PAGE2: variants seen among roughly 807,000 people sequenced by gnomAD.
PAGE2 encodes PAGE family member 2, also known as P antigen family member 2.
A neutral mutation model predicts 7.5 loss-of-function variants in PAGE2; 6 were observed. The observed-to-expected ratio is 0.80, with a 90% CI of 0.44 to 1.57. The LOEUF is 1.57. PAGE2 is among the 40% of genes most tolerant of loss of function. PAGE2 has a pLI of 0.01. For synonymous variants in PAGE2, 22 were observed against 25.4 expected (o/e 0.87, Z 0.41); for missense variants, 72 against 76.4 (o/e 0.94, Z 0.21).
intron 2 of PAGE2, among the ~76,000 whole-genome samples, 166 bp downstream of exon 2, chrX:55,090,270 G>A (rs1298667915): frequency 9.1e-6 from 1 of 110,134 alleles, no homozygotes; most frequent in Non-Finnish European, 1.9e-5. Context: ...GGTGTTACCT[G>A]TATGGATATG....
chrX:55,091,314 A>G lies in PAGE2; in HGVS notation c.194-18A>G. On this transcript the variant is annotated intron_variant, in intron 3 of 4. Transcript: ENST00000374968. ...TCATGTTTTAATTTGTAAATTGATG[A>G]CCTTTTTATCTTTTAAGGGCCTGAC... 2 of 1,205,852 alleles carry G rather than the reference A, an allele frequency of 1.7e-6. No individual in the cohort carries two copies. Among genetic ancestry groups the G allele is most frequent in the South Asian group, 1.8e-5 (1 of 56,044 alleles).
rs1301048427 is a variant in PAGE2 at position 55,091,865 on chromosome X, T to G, written c.319+408T>G. Among the ~76,000 whole-genome samples, 5 of 57,364 alleles carry G rather than the reference T, an allele frequency of 8.7e-5. 1 individual carries two copies. Among genetic ancestry groups the G allele is most frequent in the Non-Finnish European group, 1.4e-4 (4 of 28,247 alleles). 49.8% of individuals were successfully genotyped at this position (57,364 alleles called of 115,157 possible). ...TTTTACAATGTGTATATATATATAT[T>G]TAAAACGTCATGTTTTACATGATAA... On this transcript the variant is annotated intron_variant, in intron 4 of 4. Transcript: ENST00000374968.
chrX:55,090,351 T>TATCC (rs1449249542), intron 2 of PAGE2, 151 bp from the exon 3 acceptor site: 104 of 572,277 alleles, frequency 1.8e-4, no homozygotes, highest in Non-Finnish European at 2.6e-4. Context: ...TCTATCTATC[T>TATCC]ATCTATCTAT....
At chrX:55,089,577 C>T (rs181263834) in intron 1 of PAGE2, among the ~76,000 whole-genome samples, 1 of 109,861 alleles carries the variant, frequency 9.1e-6, no homozygotes, top group East Asian at 2.8e-4. Context: ...TTTCTCACCT[C>T]CGCCATGGAC....
In PAGE2 at chrX:55,090,175, A is replaced by G. The variant is rs1159357367; in HGVS notation, c.84+71A>G. 9.2e-6 allele frequency: 9 copies of G among 979,839 alleles called. No homozygotes were observed. In the South Asian group the frequency reaches 1.4e-4, roughly 15 times the overall value. 80.7% of individuals were successfully genotyped at this position (979,839 alleles called of 1,213,427 possible). ...TAAAAATATTTTTGAGCTAGTATACATACACTGATACAGGTGTTCCATGCT... is the reference window on the plus strand; with the variant it reads ...TAAAAATATTTTTGAGCTAGTATACGTACACTGATACAGGTGTTCCATGCT... On this transcript the variant is annotated intron_variant, in intron 2 of 4. Coordinates refer to ENST00000374968, the MANE Select transcript of PAGE2 (RefSeq NM_207339.4).
In PAGE2 at chrX:55,090,119, A is replaced by T. The variant is rs779706075; in HGVS notation, c.84+15A>T. On this transcript the variant is annotated intron_variant, in intron 2 of 4. Coordinates refer to ENST00000374968, the MANE Select transcript of PAGE2 (RefSeq NM_207339.4). ...GATCTGTGATTGTGAGTCTTTTAAC[A>T]TTTGATGTTTTCTATTAACACAATT... 8.5e-7 allele frequency: 1 copy of T among 1,178,284 alleles called. No individual in the cohort carries two copies. Among genetic ancestry groups the T allele is most frequent in the Non-Finnish European group, 1.2e-6 (1 of 868,757 alleles).
chrX:55,091,454 G>A lies in PAGE2; in HGVS notation c.316G>A (p.Ala106Thr). 5 of 1,204,639 alleles carry A rather than the reference G, an allele frequency of 4.2e-6. No homozygotes were observed. The highest frequency in any genetic ancestry group is 5.6e-6 in the Non-Finnish European group (5 of 893,644). Reference protein sequence around the residue: ...PTFDLTKVLEAGDAQP With the variant: ...PTFDLTKVLETGDAQP ...TTTTGATCTCACTAAAGTGCTGGAA[G>A]CAGGTTTGTTATTCATTTAAGATGC... The change falls in exon 4 of 5, where the codon GCA becomes ACA. Residue 106 changes from alanine (A) to threonine (T), a missense_variant. Coordinates refer to ENST00000374968, the MANE Select transcript of PAGE2 (RefSeq NM_207339.4).
In PAGE2 at chrX:55,089,036, G is replaced by T. The variant is rs1317407320; in HGVS notation, c.-76G>T. On this transcript the variant is annotated 5_prime_UTR_variant, in exon 1 of 5. Coordinates refer to ENST00000374968, the MANE Select transcript of PAGE2 (RefSeq NM_207339.4). ...CCGTCTTGTGTCCGCACAGAGGTCT[G>T]CAAGGAGAGAGAGTGTCTTCATTCT... is the stretch of plus-strand genomic sequence containing the variant. 1 of 111,754 alleles carries T rather than the reference G, an allele frequency of 8.9e-6. No individual in the cohort carries two copies. Among genetic ancestry groups the T allele is most frequent in the Non-Finnish European group, 1.9e-5 (1 of 53,320 alleles). 9.2% of individuals were successfully genotyped at this position (111,754 alleles called of 1,213,427 possible). A position where few individuals can be genotyped will look rare whatever the true frequency, so the allele number is the denominator to read the frequency against.
chrX:55,091,103 A>G (rs1321550035), intron 3 of PAGE2, among the ~76,000 whole-genome samples: 2 of 111,494 alleles, frequency 1.8e-5, no homozygotes, highest in Non-Finnish European at 3.8e-5. Context: ...TGTGATAAGA[A>G]TAAGAACAAA....
intron 2 of PAGE2, 46 bp downstream of exon 2, chrX:55,090,150 T>A (rs1439860018): frequency 8.9e-7 from 1 of 1,122,843 alleles, no homozygotes; most frequent in Non-Finnish European, 1.2e-6. Context: ...CAATTTATTT[T>A]AAAAATATTT....
At chrX:55,091,266 A>C (rs1936653222) in intron 3 of PAGE2, 66 bp from the exon 4 acceptor site, 3 of 1,192,513 alleles carry the variant, frequency 2.5e-6, no homozygotes, top group Non-Finnish European at 2.3e-6. Context: ...GGGAATAAAT[A>C]CTATCATTTC....
Position 55,090,053 on chromosome X carries a change from C to A in PAGE2, c.33C>A (p.Ser11=). ...AGCTTCTAAGAGCAAGATCCCAATC[C>A]TCAGAAAGAGGAAATGACCAAGAGT... MSELLRARSQ[S]SERGNDQESS... The change falls in exon 2 of 5, where the codon TCC becomes TCA. Residue 11 remains serine (S), a synonymous_variant. Coordinates refer to ENST00000374968, the MANE Select transcript of PAGE2 (RefSeq NM_207339.4). The A allele has an allele frequency of 8.3e-7, 1 of 1,204,061 alleles. No homozygotes were observed. The highest frequency in any genetic ancestry group is 1.1e-6 in the Non-Finnish European group (1 of 890,441).
chrX:55,090,762 T>C (rs3002386), intron 3 of PAGE2, 152 bp downstream of exon 3: 8,996 of 538,964 alleles, frequency 0.017, 609 homozygotes, highest in African/African-American at 0.16. Flanking sequence ...GGGACAAGGA[T>C]GCATAAAAAG....
Position 55,091,356 on chromosome X carries a change from A to T in PAGE2, c.218A>T (p.Gln73Leu), listed in dbSNP as rs769601050. The T allele has an allele frequency of 6.6e-6, 8 of 1,207,404 alleles. No homozygotes were observed. The East Asian group carries it at 2.4e-4, about 36-fold the overall frequency. The stretch of plus-strand genomic sequence containing the variant: ...GGGCCTGACATGGAAGCTTTTCAAC[A>T]GGAACTGGCTCTGCTTAAGATAGAG... ...FQGPDMEAFQ[Q>L]ELALLKIEDE... Residue 73 changes from glutamine to leucine, a missense_variant, in exon 4 of 5, where the codon CAG (glutamine) becomes CTG (leucine). Transcript: ENST00000374968.
At chrX:55,090,998 C>G (rs1446592036) in intron 3 of PAGE2, among the ~76,000 whole-genome samples, 1 of 110,058 alleles carries the variant, frequency 9.1e-6, no homozygotes, top group Non-Finnish European at 1.9e-5. Context: ...CTTCCTCATA[C>G]CACGTAATAT....
intron 1 of PAGE2, 128 bp from the exon 2 acceptor site, chrX:55,089,885 G>A: frequency 1.9e-6 from 1 of 524,263 alleles, no homozygotes; most frequent in Admixed American, 3.7e-5. Context: ...ACTTATCATT[G>A]CTCTGTGACT....
At chrX:55,089,878 TATC>T (rs1161435141) in intron 1 of PAGE2, 132 bp from the exon 2 acceptor site, 13 of 501,921 alleles carry the variant, frequency 2.6e-5, no homozygotes, top group Admixed American at 7.6e-5. Flanking sequence ...CATGTGTACT[TATC>T]ATTGCTCTGT....
In PAGE2 at chrX:55,090,622, G is replaced by T; in HGVS notation, c.193+12G>T. ...GCCTGCTTTTCAAGGTGAAGGGAGA[G>T]TGGAAAATAATGCTTATGGGTGGTG... On this transcript the variant is annotated intron_variant, in intron 3 of 4. Coordinates refer to ENST00000374968, the MANE Select transcript of PAGE2 (RefSeq NM_207339.4). 8.4e-7 allele frequency: 1 copy of T among 1,190,830 alleles called. No individual in the cohort carries two copies. Among genetic ancestry groups the T allele is most frequent in the Non-Finnish European group, 1.1e-6 (1 of 881,519 alleles).
At chrX:55,090,219 C>T in intron 2 of PAGE2, 115 bp downstream of exon 2, 2 of 823,152 alleles carry the variant, frequency 2.4e-6, no homozygotes, top group Admixed American at 3.4e-5. Context: ...ATGATGATGG[C>T]ATCTCATGAA....
Sources: gnomAD v4.1 joint callset for allele counts (sites outside exome capture counted in the v4.1 genomes callset) on GRCh38, gnomAD v4.1.1 for gene constraint, MANE v1.5 for transcripts, NCBI Gene and HGNC (gene_info 2026-07-23, HGNC 2026-07-21) for gene names.